The following PDE1C variants were observed in gnomAD, a reference collection of about 807,000 sequenced individuals.
PDE1C encodes the protein dual specificity calcium/calmodulin-dependent 3',5'-cyclic nucleotide phosphodiesterase 1C.
Under a neutral mutation model 93.1 loss-of-function variants are expected in PDE1C, and 62 were observed. That is an observed-to-expected ratio of 0.67 (90% confidence interval 0.54 to 0.82). The LOEUF (loss-of-function observed/expected upper bound fraction) is 0.82, where lower values mean the gene tolerates loss of function less well. PDE1C is among the 40% of genes least tolerant of loss of function. PDE1C has a pLI of 0.00. For missense variants in PDE1C, 742 were observed against 884.6 expected, an observed-to-expected ratio of 0.84 and a Z score of 2.04; for synonymous variants, 325 against 310.1, an observed-to-expected ratio of 1.05 and a Z score of -0.50.
chr7:31,861,584 A>T (rs2109834), intron 7 of PDE1C, among the ~76,000 whole-genome samples: 30,234 of 151,928 alleles, frequency 0.2, 3,144 homozygotes, highest in South Asian at 0.25. Flanking sequence ...ATTCTTGTCA[A>T]CTGTTTATCA....
chr7:32,232,481 C>T (rs35693599), intron 1 of PDE1C, among the ~76,000 whole-genome samples: 15,986 of 152,174 alleles, frequency 0.11, 901 homozygotes, highest in East Asian at 0.13. Flanking sequence ...TTTATCTCTC[C>T]GTCCTCCTGC....
At chr7:31,713,677 T>C in the PDE1C span, among the ~76,000 whole-genome samples, 1 of 152,212 alleles carries the variant, frequency 6.6e-6, no homozygotes. Flanking sequence ...CATTTCCATG[T>C]ATCCTCTCAA....
At chr7:31,691,538 C>G in the PDE1C span, among the ~76,000 whole-genome samples, 1 of 152,176 alleles carries the variant, frequency 6.6e-6, no homozygotes, top group East Asian at 1.9e-4. Flanking sequence ...CTCCTTCAGA[C>G]CTGACACATA....
At chr7:31,630,088 T>TG in the PDE1C span, among the ~76,000 whole-genome samples, 3 of 152,030 alleles carry the variant, frequency 2.0e-5, no homozygotes, top group African/African-American at 7.2e-5. Flanking sequence ...ACTGATTAAT[T>TG]GGGGAGTTAA....
At chr7:31,775,887 C>A (rs1247023580) in intron 16 of PDE1C, among the ~76,000 whole-genome samples, 155 bp from the exon 17 acceptor site, 1 of 152,156 alleles carries the variant, frequency 6.6e-6, no homozygotes, top group African/African-American at 2.4e-5. Flanking sequence ...ATTCTGTGGT[C>A]CAGAAAAGCT....
chr7:32,221,537 G>C (rs1042286150), intron 1 of PDE1C, among the ~76,000 whole-genome samples: 5 of 152,184 alleles, frequency 3.3e-5, no homozygotes, highest in Non-Finnish European at 7.3e-5. Flanking sequence ...GGACCTGAGA[G>C]TCTGCATTTC....
intron 2 of PDE1C, among the ~76,000 whole-genome samples, chr7:32,176,355 A>G (rs988404502): frequency 1.3e-5 from 2 of 152,202 alleles, no homozygotes; most frequent in African/African-American, 4.8e-5. Flanking sequence ...AAGGGGAAAT[A>G]TATTTGTTTA....
intron 1 of PDE1C, among the ~76,000 whole-genome samples, chr7:32,427,664 C>G (rs1235766972): frequency 6.6e-6 from 1 of 152,214 alleles, no homozygotes; most frequent in Non-Finnish European, 1.5e-5. Flanking sequence ...GAAATAGCCT[C>G]CTATTCAACC....
the PDE1C span, among the ~76,000 whole-genome samples, chr7:31,730,529 T>C: frequency 1.3e-5 from 2 of 152,218 alleles, no homozygotes; most frequent in African/African-American, 4.8e-5. Flanking sequence ...GAATTGCCCC[T>C]GTGCAGTATG....
chr7:31,883,893 C>T (rs1298934414), intron 2 of PDE1C, among the ~76,000 whole-genome samples: 3 of 152,216 alleles, frequency 2.0e-5, no homozygotes, highest in Non-Finnish European at 4.4e-5. Flanking sequence ...TGGTGCCAGG[C>T]AGACATTAGG....
intron 7 of PDE1C, among the ~76,000 whole-genome samples, chr7:31,855,803 A>AG (rs1196131565): frequency 6.7e-6 from 1 of 149,884 alleles, no homozygotes; most frequent in Non-Finnish European, 1.5e-5. Flanking sequence ...AAAAAAAAAA[A>AG]AAAAAAGACA....
intron 1 of PDE1C, among the ~76,000 whole-genome samples, chr7:32,336,311 C>T (rs1783623922): frequency 6.6e-6 from 1 of 152,182 alleles, no homozygotes; most frequent in Non-Finnish European, 1.5e-5. Context: ...AACAAACTAT[C>T]ATGCCCACTG....
At chr7:31,936,144 T>C (rs1253411671) in intron 2 of PDE1C, among the ~76,000 whole-genome samples, 1 of 152,160 alleles carries the variant, frequency 6.6e-6, no homozygotes, top group African/African-American at 2.4e-5. Context: ...AATCAAAAAG[T>C]ATATTTTTAT....
chr7:32,016,664 A>C (rs899704256), intron 2 of PDE1C, among the ~76,000 whole-genome samples: 1 of 152,194 alleles, frequency 6.6e-6, no homozygotes, highest in Non-Finnish European at 1.5e-5. Context: ...ATGAGGTAGA[A>C]TATTATGTAG....
intron 1 of PDE1C, among the ~76,000 whole-genome samples, chr7:32,220,598 G>A (rs1464341473): frequency 3.9e-5 from 6 of 151,956 alleles, no homozygotes; most frequent in South Asian, 4.2e-4. Context: ...GGCGGATCAC[G>A]AGGTCAGGAG....
At chr7:32,058,538 A>C (rs1321022646) in intron 1 of PDE1C, among the ~76,000 whole-genome samples, 1 of 152,206 alleles carries the variant, frequency 6.6e-6, no homozygotes, top group Non-Finnish European at 1.5e-5. Flanking sequence ...GTTGGAAAGA[A>C]TTGGATATCT....
Position 32,128,880 on chromosome 7 carries a change from T to C in PDE1C, c.308+40905A>G, listed in dbSNP as rs1030157487. Among the ~76,000 whole-genome samples, 4 of 129,812 alleles carry C rather than the reference T, an allele frequency of 3.1e-5. No individual in the cohort carries two copies. The East Asian group carries it at 8.6e-4, about 28-fold the overall frequency. The allele number at this position is 129,812 out of a possible 152,430, so 85.2% of individuals were successfully genotyped here. A position where few individuals can be genotyped will look rare whatever the true frequency, so the allele number is the denominator to read the frequency against. ...ACAATATTACATATTATGGTGCACA[T>C]GTACCCTAGAACTTAAAGTATAACA... On this transcript the variant is annotated intron_variant, in intron 3 of 18. Transcript: ENST00000396193.
rs138437992 is a variant in PDE1C, at chr7:32,109,173, G to A, written c.308+60612C>T. Among the ~76,000 whole-genome samples the A allele has an allele frequency of 9.2e-5, 14 of 152,094 alleles. No homozygotes were observed. The East Asian group carries it at 2.7e-3, about 29-fold the overall frequency. On this transcript the variant is annotated intron_variant, in intron 3 of 18. Transcript: ENST00000396193. ...AAATGTACTCATATTTATGACAAGG[G>A]ACCCCCTCATAGTGTTGTTATGATG...
chr7:31,873,476 A>G (rs2128864883), intron 5 of PDE1C, 68 bp from the exon 6 acceptor site: 2 of 914,818 alleles, frequency 2.2e-6, no homozygotes, highest in East Asian at 4.9e-5. Flanking sequence ...CAGTCTCCTC[A>G]CTTTCAAGTC....
Sources: gnomAD v4.1 joint callset for allele counts (sites outside exome capture counted in the v4.1 genomes callset) on GRCh38, gnomAD v4.1.1 for gene constraint, MANE v1.5 for transcripts, NCBI Gene and HGNC (gene_info 2026-07-23, HGNC 2026-07-21) for gene names.